The following DLC1 variants were observed in gnomAD, a reference collection of about 807,000 sequenced individuals.
DLC1 encodes DLC1 Rho GTPase activating protein, also known as rho GTPase-activating protein 7.
Under a neutral mutation model 140.3 loss-of-function variants are expected in DLC1, and 54 were observed. The observed-to-expected ratio is 0.38, with a 90% confidence interval of 0.31 to 0.48. The LOEUF is 0.48. DLC1 is among the 20% of genes least tolerant of loss of function. The pLI is 0.96. For missense variants in DLC1, 2,536 were observed against 1,907.0 expected (o/e 1.33, Z -6.14); for synonymous variants, 986 against 728.1 (o/e 1.35, Z -5.70).
intron 5 of DLC1, among the ~76,000 whole-genome samples, chr8:13,257,073 C>T (rs150131263): frequency 2.2e-4 from 34 of 151,976 alleles, no homozygotes; most frequent in Admixed American, 5.9e-4. Flanking sequence ...AAGATATGAT[C>T]GAGACCAAGT....
At chr8:13,093,816 G>C (rs369669062) in intron 12 of DLC1, among the ~76,000 whole-genome samples, 74 of 152,284 alleles carry the variant, frequency 4.9e-4, no homozygotes, top group African/African-American at 1.8e-3. Flanking sequence ...CGCTAAGAGA[G>C]GCTGCTTTTA....
intron 1 of DLC1, among the ~76,000 whole-genome samples, chr8:13,530,566 C>T (rs1803062108): frequency 6.6e-6 from 1 of 152,098 alleles, no homozygotes; most frequent in Admixed American, 6.5e-5. Flanking sequence ...GACCACATGC[C>T]TGCGAGTCAA....
intron 4 of DLC1, among the ~76,000 whole-genome samples, chr8:13,329,430 A>G (rs1388833762): frequency 6.6e-6 from 1 of 152,100 alleles, no homozygotes; most frequent in Non-Finnish European, 1.5e-5. Flanking sequence ...CTGTGGGATA[A>G]ATGGAATCTA....
intron 5 of DLC1, among the ~76,000 whole-genome samples, chr8:13,152,696 A>C (rs1408936666): frequency 1.3e-5 from 2 of 151,894 alleles, no homozygotes; most frequent in African/African-American, 4.8e-5. Context: ...AGTCCCAGCT[A>C]CTGGGGGTGG....
At chr8:13,425,307 G>T in intron 2 of DLC1, among the ~76,000 whole-genome samples, 1 of 152,264 alleles carries the variant, frequency 6.6e-6, no homozygotes, top group East Asian at 1.9e-4. Flanking sequence ...GCCCTGGAGG[G>T]TTAGTTGCAT....
intron 2 of DLC1, among the ~76,000 whole-genome samples, chr8:13,424,935 G>T (rs961031645): frequency 3.3e-5 from 5 of 152,098 alleles, no homozygotes; most frequent in African/African-American, 1.2e-4. Flanking sequence ...ATGTACCAAT[G>T]CATATGGAAT....
rs998412328 is a variant in DLC1, at chr8:13,091,386, A to C, written c.3787T>G (p.Leu1263Val). The change falls in exon 14 of 18, where the codon TTG becomes GTG. Residue 1263 changes from leucine (L) to valine (V), a missense_variant. Physicochemically the swap from Leu to Val is conservative, Grantham distance 32. Transcript: ENST00000276297. ...QSLGKPDQKD[L>V]NENLAATQGL... ...TGAGTGGCAGCTAGGTTTTCATTCA[A>C]ATCTTTCTGATCTGGTTTGCCCAAA... 6.2e-7 allele frequency: 1 copy of C among 1,614,132 alleles called. No individual in the cohort carries two copies. The highest frequency in any genetic ancestry group is 2.2e-5 in the East Asian group (1 of 44,872).
intron 2 of DLC1, among the ~76,000 whole-genome samples, chr8:13,444,725 A>G (rs117763126): frequency 0.024 from 3,731 of 152,330 alleles, 62 homozygotes; most frequent in Middle Eastern, 0.041. Context: ...TTAACATTAC[A>G]AGAATAGAAG....
intron 2 of DLC1, among the ~76,000 whole-genome samples, chr8:13,481,946 T>G (rs1013071678): frequency 5.5e-4 from 84 of 152,256 alleles, no homozygotes; most frequent in African/African-American, 2.0e-3. Context: ...CCTACAAGTC[T>G]TCAAGCCAAA....
chr8:13,497,601 G>C lies in DLC1; in HGVS notation c.1023+1448C>G, dbSNP rs1357584772. Among the ~76,000 whole-genome samples, 9 of 152,274 alleles carry C rather than the reference G, an allele frequency of 5.9e-5. No individual in the cohort carries two copies. The South Asian group carries it at 1.2e-3, about 21-fold the overall frequency. On this transcript the variant is annotated intron_variant, in intron 2 of 17. Transcript: ENST00000276297. ...TTAGTATTGATATAAATGTTCAAGT[G>C]GTGAGTATATGTTTCTGGAATGTTT...
rs1057056638 is a variant in DLC1 at position 13,436,806 on chromosome 8, A to G, written c.1024-35187T>C. On this transcript the variant is annotated intron_variant, in intron 2 of 17. Coordinates refer to ENST00000276297, the MANE Select transcript of DLC1 (RefSeq NM_182643.3). ...GAATTTATTTATTTTTTTTAATCAC[A>G]TAAAGTTAAAATGCAAATATTTGAC... is the stretch of plus-strand genomic sequence containing the variant. Among the ~76,000 whole-genome samples, 16 of 152,276 alleles carry G rather than the reference A, an allele frequency of 1.1e-4. No individual in the cohort carries two copies. In the East Asian group the frequency reaches 2.3e-3, roughly 22 times the overall value.
At chr8:13,558,594 A>G (rs919357315) in intron 1 of DLC1, 2 of 152,332 alleles carry the variant, frequency 1.3e-5, no homozygotes, top group African/African-American at 2.4e-5. Flanking sequence ...ACTTTCTGAA[A>G]GCATGCAATG....
intron 5 of DLC1, among the ~76,000 whole-genome samples, chr8:13,261,362 G>T (rs1213897998): frequency 7.2e-6 from 1 of 139,092 alleles, no homozygotes; most frequent in African/African-American, 2.7e-5. Flanking sequence ...AATGGGAAAG[G>T]ATAGAAGAAG....
chr8:13,188,140 A>G (rs1185645473), intron 5 of DLC1, among the ~76,000 whole-genome samples: 10 of 138,134 alleles, frequency 7.2e-5, no homozygotes, highest in Admixed American at 2.4e-4. Context: ...CTGGAGTGCA[A>G]TGGTGCAATC....
intron 2 of DLC1, among the ~76,000 whole-genome samples, chr8:13,449,830 CTG>C (rs1209282389): frequency 6.6e-6 from 1 of 151,938 alleles, no homozygotes; most frequent in Non-Finnish European, 1.5e-5. Context: ...AAAAAAAATC[CTG>C]TGTTTCCATT....
chr8:13,135,668 C>T (rs1223773815), intron 5 of DLC1, among the ~76,000 whole-genome samples: 1 of 152,078 alleles, frequency 6.6e-6, no homozygotes, highest in Non-Finnish European at 1.5e-5. Context: ...CCAAATACAC[C>T]AATTCTCAGA....
intron 4 of DLC1, among the ~76,000 whole-genome samples, chr8:13,322,092 C>A (rs1452799794): frequency 1.3e-5 from 2 of 152,020 alleles, no homozygotes; most frequent in East Asian, 3.9e-4. Context: ...TTTACATGTA[C>A]TTTTAAGAAC....
intron 4 of DLC1, among the ~76,000 whole-genome samples, chr8:13,359,529 G>C (rs1835122619): frequency 6.6e-6 from 1 of 152,070 alleles, no homozygotes; most frequent in South Asian, 2.1e-4. Context: ...ACTTTAAGCT[G>C]GTTTAGCAAA....
chr8:13,152,082 T>G (rs1823862625), intron 5 of DLC1, among the ~76,000 whole-genome samples: 1 of 152,230 alleles, frequency 6.6e-6, no homozygotes, highest in African/African-American at 2.4e-5. Flanking sequence ...CCTCCATGTT[T>G]ACTAAATACA....
Sources: gnomAD v4.1 joint callset for allele counts (sites outside exome capture counted in the v4.1 genomes callset) on GRCh38, gnomAD v4.1.1 for gene constraint, MANE v1.5 for transcripts, NCBI Gene and HGNC (gene_info 2026-07-23, HGNC 2026-07-21) for gene names.